The following ITPKB variants were observed in gnomAD, a reference collection of about 807,000 sequenced individuals.
ITPKB encodes the protein inositol-trisphosphate 3-kinase B.
In ITPKB, 13 loss-of-function variants were observed where a neutral mutation model predicts 69.4. The observed-to-expected ratio is 0.19, with a 90% CI of 0.12 to 0.30. The LOEUF (loss-of-function observed/expected upper bound fraction) is 0.30. ITPKB is among the 10% of genes least tolerant of loss of function. The probability of loss-of-function intolerance (pLI) is 1.00; values close to 1 mark genes in which losing one functional copy is unlikely to be tolerated. For missense variants in ITPKB, 1,240 were observed against 1,250.5 expected (o/e 0.99, Z 0.13); for synonymous variants, 584 against 513.7 (o/e 1.14, Z -1.85).
intron 2 of ITPKB, among the ~76,000 whole-genome samples, chr1:226,677,281 G>A (rs1462364037): frequency 6.6e-6 from 1 of 152,250 alleles, no homozygotes; most frequent in African/African-American, 2.4e-5. Flanking sequence ...CTGATTCACT[G>A]CCTGGCAGAT....
intron 2 of ITPKB, among the ~76,000 whole-genome samples, chr1:226,680,186 C>T (rs1333799680): frequency 6.6e-6 from 1 of 152,234 alleles, no homozygotes; most frequent in Non-Finnish European, 1.5e-5. Flanking sequence ...GGCAGCGCAG[C>T]GCCCGCGACC....
chr1:226,736,913 G>A lies in ITPKB; in HGVS notation c.546C>T (p.Ser182=). 6 of 1,610,548 alleles carry A rather than the reference G, an allele frequency of 3.7e-6. No individual in the cohort carries two copies. Among genetic ancestry groups the A allele is most frequent in the Non-Finnish European group, 5.1e-6 (6 of 1,180,012 alleles). The change falls in exon 2 of 8, where the codon AGC becomes AGT. Residue 182 remains serine, a synonymous_variant. Coordinates refer to ENST00000429204, the MANE Select transcript of ITPKB (RefSeq NM_002221.4). ...GGACCCTTCCAGGGGGCTGACTGCT[G>A]CTGCGGAAGGGGCACGGGGAGGGCG... is the stretch of plus-strand genomic sequence containing the variant. The part of the protein sequence containing the change: ...ARSPSPCPFR[S]SSQPPGRVLV...
chr1:226,644,625 G>A (rs902915570), intron 4 of ITPKB, among the ~76,000 whole-genome samples: 2 of 152,200 alleles, frequency 1.3e-5, no homozygotes, highest in Non-Finnish European at 2.9e-5. Flanking sequence ...AAGCCCCGAC[G>A]TGCAGACGCC....
chr1:226,700,184 C>T (rs1444147644), intron 2 of ITPKB, among the ~76,000 whole-genome samples: 1 of 152,124 alleles, frequency 6.6e-6, no homozygotes, highest in African/African-American at 2.4e-5. Context: ...CAATACTTTG[C>T]AACTGGCCAG....
chr1:226,681,899 T>C (rs915684973), intron 2 of ITPKB, among the ~76,000 whole-genome samples: 3 of 152,232 alleles, frequency 2.0e-5, no homozygotes, highest in African/African-American at 4.8e-5. Flanking sequence ...ACGCTGCTTA[T>C]AAGCTCATAG....
intron 2 of ITPKB, among the ~76,000 whole-genome samples, chr1:226,722,322 G>A (rs1657268407): frequency 6.6e-6 from 1 of 152,202 alleles, no homozygotes; most frequent in Non-Finnish European, 1.5e-5. Context: ...TGGTATTTGA[G>A]GCCAATGGTG....
At position 226,736,893 on chromosome 1, in the gene ITPKB, C is replaced by T. The variant is rs144143668; in HGVS notation, c.566G>A (p.Arg189Lys). The change falls in exon 2 of 8, where the codon AGG (arginine) becomes AAG (lysine). Residue 189 changes from arginine to lysine, a missense_variant. Physicochemically the swap from Arg to Lys is conservative, Grantham distance 26. Coordinates refer to ENST00000429204, the MANE Select transcript of ITPKB (RefSeq NM_002221.4). ...PFRSSSQPPG[R>K]VLVQGARSEE... ...GCTCCGGGCGCCCTGAACCAGGACC[C>T]TTCCAGGGGGCTGACTGCTGCTGCG... 250 of 1,610,422 alleles carry T rather than the reference C, an allele frequency of 1.6e-4. No homozygotes were observed. The highest frequency in any genetic ancestry group is 2.0e-4 in the Non-Finnish European group (233 of 1,180,022).
At chr1:226,722,493 C>A in intron 2 of ITPKB, among the ~76,000 whole-genome samples, 1 of 152,194 alleles carries the variant, frequency 6.6e-6, no homozygotes, top group Non-Finnish European at 1.5e-5. Flanking sequence ...TTTTAATGTA[C>A]AGTGTAATAC....
intron 2 of ITPKB, among the ~76,000 whole-genome samples, chr1:226,711,423 G>A (rs1656951146): frequency 8.2e-6 from 1 of 122,406 alleles, no homozygotes; most frequent in African/African-American, 3.1e-5. Flanking sequence ...GAGAGAGAGA[G>A]AGAGAGAGAG....
In ITPKB at chr1:226,672,946, T is replaced by C. The variant is rs28427204; in HGVS notation, c.1933-24175A>G. On this transcript the variant is annotated intron_variant, in intron 2 of 7. Transcript: ENST00000429204. ...GGCTTCTGTACCCCAATTCCAGTAATTAACAAAGCAAAAACCTGCCACACT... is the reference window on the plus strand; with the variant it reads ...GGCTTCTGTACCCCAATTCCAGTAACTAACAAAGCAAAAACCTGCCACACT... 1.4e-3 allele frequency among the ~76,000 whole-genome samples: 213 copies of C among 152,332 alleles called. 2 individuals carry two copies. Among genetic ancestry groups the C allele is most frequent in the African/African-American group, 4.9e-3 (203 of 41,574 alleles).
intron 2 of ITPKB, among the ~76,000 whole-genome samples, chr1:226,660,352 ACT>A (rs1669378564): frequency 6.6e-6 from 1 of 151,818 alleles, no homozygotes; most frequent in African/African-American, 2.4e-5. Flanking sequence ...CCTCATCCAC[ACT>A]CTATAGGAGC....
At chr1:226,636,087 T>C (rs1322110413) in intron 7 of ITPKB, among the ~76,000 whole-genome samples, 1 of 152,220 alleles carries the variant, frequency 6.6e-6, no homozygotes, top group Non-Finnish European at 1.5e-5. Context: ...AACAAAATGC[T>C]TTTCCAAGAA....
intron 2 of ITPKB, among the ~76,000 whole-genome samples, chr1:226,677,824 A>G (rs2102771497): frequency 6.6e-6 from 1 of 152,364 alleles, no homozygotes; most frequent in Admixed American, 6.5e-5. Context: ...GCCTCCTGTT[A>G]TAGGCAGGAA....
chr1:226,650,506 A>C lies in ITPKB; in HGVS notation c.1933-1735T>G, dbSNP rs1439794862. ...CTTATCTAAGCACCCAGAAGGCTGC[A>C]TAAACAATCAGGGCACACAATGCAT... On this transcript the variant is annotated intron_variant, in intron 2 of 7. Coordinates refer to ENST00000429204, the MANE Select transcript of ITPKB (RefSeq NM_002221.4). Among the ~76,000 whole-genome samples, 2 of 152,402 alleles carry C rather than the reference A, an allele frequency of 1.3e-5. 1 individual carries two copies. Among genetic ancestry groups the C allele is most frequent in the South Asian group, 4.1e-4 (2 of 4,830 alleles).
rs139929983 is a variant in ITPKB at position 226,724,735 on chromosome 1, A to G, written c.1932+10792T>C. On this transcript the variant is annotated intron_variant, in intron 2 of 7. Coordinates refer to ENST00000429204, the MANE Select transcript of ITPKB (RefSeq NM_002221.4). Reference sequence around the variant, plus strand: ...TAGCTAAGACTCTATAACGTGTACTAAGCAGAAAAACCCCTGCCGAGCTCT... The same window carrying G: ...TAGCTAAGACTCTATAACGTGTACTGAGCAGAAAAACCCCTGCCGAGCTCT... Among the ~76,000 whole-genome samples the G allele has an allele frequency of 5.3e-3, 803 of 152,290 alleles. 15 individuals are homozygous for G. The highest frequency in any genetic ancestry group is 0.019 in the African/African-American group (775 of 41,554).
intron 2 of ITPKB, among the ~76,000 whole-genome samples, chr1:226,689,614 C>T (rs898137176): frequency 1.5e-4 from 16 of 105,124 alleles, no homozygotes; most frequent in African/African-American, 4.0e-4. Context: ...TGTGTGTGTG[C>T]ATGCATATGT....
chr1:226,726,046 AT>A (rs1657401792), intron 2 of ITPKB, among the ~76,000 whole-genome samples: 1 of 152,244 alleles, frequency 6.6e-6, no homozygotes, highest in Non-Finnish European at 1.5e-5. Flanking sequence ...TTAAAAACTC[AT>A]TTAGGCAGGA....
At chr1:226,666,865 A>G (rs982676755) in intron 2 of ITPKB, among the ~76,000 whole-genome samples, 2 of 152,034 alleles carry the variant, frequency 1.3e-5, no homozygotes, top group African/African-American at 4.8e-5. Context: ...AAGACCACAG[A>G]CCACACATGG....
intron 2 of ITPKB, among the ~76,000 whole-genome samples, chr1:226,655,931 G>A (rs1034948943): frequency 2.6e-5 from 4 of 152,302 alleles, no homozygotes; most frequent in East Asian, 3.9e-4. Flanking sequence ...CATCTGCAGC[G>A]CACCCGGGCT....
Sources: allele counts gnomAD v4.1 joint callset (sites outside exome capture counted in the v4.1 genomes callset), GRCh38; gene constraint gnomAD v4.1.1; transcripts MANE v1.5; gene names NCBI Gene and HGNC (gene_info 2026-07-23, HGNC 2026-07-21).